Variants in PLCG2 observed in about 807,000 individuals in gnomAD.
PLCG2 encodes phospholipase C gamma 2.
A neutral mutation model predicts 175.6 loss-of-function variants in PLCG2; 69 were observed. The observed-to-expected ratio is 0.39, with a 90% confidence interval of 0.32 to 0.48. The LOEUF (loss-of-function observed/expected upper bound fraction) is 0.48. PLCG2 is among the 20% of genes least tolerant of loss of function. The probability of loss-of-function intolerance (pLI) is 0.91; values close to 1 mark genes in which losing one functional copy is unlikely to be tolerated. For missense variants in PLCG2, 1,798 were observed against 1,650.9 expected (o/e 1.09, Z -1.54); for synonymous variants, 827 against 624.0 (o/e 1.33, Z -4.85).
chr16:81,819,199 C>G (rs1904686890), intron 2 of PLCG2, among the ~76,000 whole-genome samples: 1 of 152,094 alleles, frequency 6.6e-6, no homozygotes, highest in African/African-American at 2.4e-5. Flanking sequence ...GGGTGCCGGG[C>G]TGCTTCTAGA....
rs1017543957 is a variant in PLCG2 at position 81,935,563 on chromosome 16, G to C, written c.2843-606G>C. On this transcript the variant is annotated intron_variant, in intron 26 of 32. Coordinates refer to ENST00000564138, the MANE Select transcript of PLCG2 (RefSeq NM_002661.5). ...ACAGAAGACCAGCCAGACAATACTA[G>C]ACCCCTCAGTTAACTTACCGGGAGG... 5.1e-6 allele frequency: 5 copies of C among 985,114 alleles called. No individual in the cohort carries two copies. In the African/African-American group the frequency reaches 8.7e-5, roughly 17 times the overall value. 61.0% of individuals were successfully genotyped at this position (985,114 alleles called of 1,614,324 possible).
rs766887878 is a variant in PLCG2 at position 81,893,696 on chromosome 16, T to G, written c.987-13T>G. 1.3e-6 allele frequency: 2 copies of G among 1,585,116 alleles called. No individual in the cohort carries two copies. Among genetic ancestry groups the G allele is most frequent in the Non-Finnish European group, 1.7e-6 (2 of 1,155,416 alleles). Reference sequence around the variant, plus strand: ...TGCCACTCTCACACGGCCACCTGCCTTCTCTCCTGCAGGTACCTTACAGGT... The same window carrying G: ...TGCCACTCTCACACGGCCACCTGCCGTCTCTCCTGCAGGTACCTTACAGGT... On this transcript the variant is annotated splice_polypyrimidine_tract_variant and intron_variant, in intron 11 of 32. Coordinates refer to ENST00000564138, the MANE Select transcript of PLCG2 (RefSeq NM_002661.5).
chr16:81,929,024 G>A (rs1393522763), intron 24 of PLCG2, among the ~76,000 whole-genome samples: 1 of 152,238 alleles, frequency 6.6e-6, no homozygotes, highest in African/African-American at 2.4e-5. Context: ...CTGTCGCTGT[G>A]AGACTACAGG....
At chr16:81,842,145 T>TA (rs1905867270) in intron 2 of PLCG2, among the ~76,000 whole-genome samples, 1 of 152,162 alleles carries the variant, frequency 6.6e-6, no homozygotes, top group Non-Finnish European at 1.5e-5. Flanking sequence ...CTGGGGAGCA[T>TA]AAGCCAGGAT....
chr16:81,833,200 C>G (rs980209472), intron 2 of PLCG2, among the ~76,000 whole-genome samples: 5 of 152,184 alleles, frequency 3.3e-5, no homozygotes, highest in Non-Finnish European at 7.4e-5. Flanking sequence ...GGTTCAGCAA[C>G]CCCAGAATGA....
At chr16:81,859,743 C>T (rs762569544) in intron 5 of PLCG2, among the ~76,000 whole-genome samples, 11 of 152,076 alleles carry the variant, frequency 7.2e-5, no homozygotes, top group South Asian at 2.1e-4. Flanking sequence ...TCACCATGTT[C>T]GGCAGGATGG....
At chr16:81,781,912 C>G (rs1169616779) in intron 1 of PLCG2, among the ~76,000 whole-genome samples, 2 of 140,118 alleles carry the variant, frequency 1.4e-5, no homozygotes, top group East Asian at 4.7e-4. Context: ...TGCTCTGTCG[C>G]CCAGGCTGGA....
intron 2 of PLCG2, among the ~76,000 whole-genome samples, chr16:81,844,016 GC>G (rs992526682): frequency 6.7e-6 from 1 of 150,228 alleles, no homozygotes; most frequent in Non-Finnish European, 1.5e-5. Flanking sequence ...TTGCTCTGTG[GC>G]CCAGGCTGGA....
chr16:81,836,394 A>T (rs895281691), intron 2 of PLCG2, among the ~76,000 whole-genome samples: 6 of 152,022 alleles, frequency 3.9e-5, no homozygotes, highest in African/African-American at 1.2e-4. Context: ...TGCAGGGGAG[A>T]GCACTTTGGA....
At chr16:81,767,374 A>T (rs1910174100) in intron 2 of PLCG2, 1 of 151,814 alleles carries the variant, frequency 6.6e-6, no homozygotes, top group African/African-American at 2.4e-5. Context: ...CAAACTCCTG[A>T]CCTAAAGGGA....
In PLCG2 at chr16:81,917,878, C is replaced by T. The variant is rs528402167; in HGVS notation, c.2055-1606C>T. On this transcript the variant is annotated intron_variant, in intron 19 of 32. Coordinates refer to ENST00000564138, the MANE Select transcript of PLCG2 (RefSeq NM_002661.5). The stretch of plus-strand genomic sequence containing the variant: ...CTGGGACTACAGGTGCCCGCCACTG[C>T]GCCCAGCTAATTTTTTGTATTTTTA... Among the ~76,000 whole-genome samples, 16 of 152,234 alleles carry T rather than the reference C, an allele frequency of 1.1e-4. No homozygotes were observed. In the East Asian group the frequency reaches 2.3e-3, roughly 22 times the overall value.
At chr16:81,865,890 C>A (rs1479284568) in intron 5 of PLCG2, among the ~76,000 whole-genome samples, 1 of 136,790 alleles carries the variant, frequency 7.3e-6, no homozygotes, top group African/African-American at 2.8e-5. Context: ...ACGCTGGCCT[C>A]TCCCTTGCTC....
intron 2 of PLCG2, among the ~76,000 whole-genome samples, chr16:81,809,912 C>G (rs748630980): frequency 6.6e-6 from 1 of 152,014 alleles, no homozygotes; most frequent in Non-Finnish European, 1.5e-5. Flanking sequence ...CTGTGTAGCT[C>G]ACAGCATCCA....
chr16:81,886,924 T>C (rs985620158), intron 9 of PLCG2, among the ~76,000 whole-genome samples: 1 of 152,206 alleles, frequency 6.6e-6, no homozygotes, highest in African/African-American at 2.4e-5. Context: ...CTACACCAAG[T>C]GGATGCATTT....
At chr16:81,894,187 A>T (rs11862261) in intron 12 of PLCG2, among the ~76,000 whole-genome samples, 1 of 151,742 alleles carries the variant, frequency 6.6e-6, no homozygotes, top group African/African-American at 2.4e-5. Context: ...CCAGCACTTC[A>T]GGAGGCTGAA....
chr16:81,928,738 C>A, intron 24 of PLCG2, 114 bp downstream of exon 24: 2 of 722,746 alleles, frequency 2.8e-6, no homozygotes, highest in Non-Finnish European at 5.1e-6. Flanking sequence ...TGAATGCCAG[C>A]TCCTTCCCTG....
chr16:81,879,870 C>G (rs913673876), intron 7 of PLCG2, among the ~76,000 whole-genome samples: 1 of 152,158 alleles, frequency 6.6e-6, no homozygotes, highest in Non-Finnish European at 1.5e-5. Flanking sequence ...ACAGTTGGCA[C>G]GGCAGTGGGC....
At chr16:81,776,405 G>A (rs989874563), upstream of PLCG2, among the ~76,000 whole-genome samples, 2 of 151,700 alleles carry the variant, frequency 1.3e-5, no homozygotes, top group Admixed American at 1.3e-4. Context: ...CACCGCGCCC[G>A]GCTCAGAGTG....
chr16:81,742,119 T>C (rs530892714), intron 1 of PLCG2, among the ~76,000 whole-genome samples: 98 of 119,514 alleles, frequency 8.2e-4, no homozygotes, highest in African/African-American at 3.3e-3. Flanking sequence ...ATTTTAATTG[T>C]GGTACAAAGC....
Sources: allele counts gnomAD v4.1 joint callset (sites outside exome capture counted in the v4.1 genomes callset), GRCh38; gene constraint gnomAD v4.1.1; transcripts MANE v1.5; gene names NCBI Gene and HGNC (gene_info 2026-07-23, HGNC 2026-07-21).